ACSS1: variants seen among roughly 807,000 people sequenced by gnomAD.
The protein encoded by ACSS1 is acyl-CoA synthetase short chain family member 1, also known as acetyl-coenzyme A synthetase 2-like, mitochondrial.
ACSS1 carries 42 observed loss-of-function variants against 75.3 expected under a neutral mutation model. The observed-to-expected ratio is 0.56, with a 90% CI of 0.44 to 0.72. The LOEUF is 0.72. ACSS1 is among the 30% of genes least tolerant of loss of function. The pLI, the probability that ACSS1 is intolerant of heterozygous loss-of-function variation, is 0.00. For synonymous variants in ACSS1, 380 were observed against 376.8 expected (o/e 1.01, Z -0.10); for missense variants, 782 against 935.7 (o/e 0.84, Z 2.14).
intron 7 of ACSS1, 55 bp from the exon 8 acceptor site, chr20:25,015,285 C>G (rs1252007695): frequency 6.8e-7 from 1 of 1,461,082 alleles, no homozygotes; most frequent in Non-Finnish European, 9.4e-7. Context: ...AACCTGAAAC[C>G]AAAGGGAAGT....
chr20:25,026,812 G>T (rs1245235005), intron 3 of ACSS1, among the ~76,000 whole-genome samples: 1 of 152,158 alleles, frequency 6.6e-6, no homozygotes, highest in African/African-American at 2.4e-5. Context: ...AAGGCTGAAG[G>T]ATATCAGGGC....
chr20:25,054,390 T>C (rs1476990825), intron 1 of ACSS1, among the ~76,000 whole-genome samples: 1 of 152,246 alleles, frequency 6.6e-6, no homozygotes, highest in East Asian at 1.9e-4. Context: ...ACTGGGGATG[T>C]ATAATGTGTT....
chr20:25,046,616 G>T (rs2089094360), intron 2 of ACSS1: 1 of 588,860 alleles, frequency 1.7e-6, no homozygotes, highest in South Asian at 2.0e-5. Flanking sequence ...CCAACAGAGG[G>T]TTTTCATCTT....
Position 25,015,138 on chromosome 20 carries a change from C to T in ACSS1, c.1339G>A (p.Glu447Lys). The part of the protein sequence containing the change: ...CTLVDTWWQT[E>K]TGGICIAPRP... ...GAACCTGTTCCCCAGGCCTCCTCAC[C>T]TGTCTGCCACCAGGTGTCCACCAGC... Residue 447 changes from glutamate to lysine, a missense_variant and splice_region_variant, in exon 8 of 14, where the codon GAA becomes AAA. Physicochemically the swap from Glu to Lys is moderately conservative, Grantham distance 56. Coordinates refer to ENST00000323482, the MANE Select transcript of ACSS1 (RefSeq NM_032501.4). 2 of 1,609,536 alleles carry T rather than the reference C, an allele frequency of 1.2e-6. No individual in the cohort carries two copies. Among genetic ancestry groups the T allele is most frequent in the East Asian group, 2.2e-5 (1 of 44,726 alleles).
At chr20:25,027,734 C>G (rs1361749004) in intron 3 of ACSS1, among the ~76,000 whole-genome samples, 1 of 145,360 alleles carries the variant, frequency 6.9e-6, no homozygotes, top group Non-Finnish European at 1.5e-5. Context: ...CTTTTCACCA[C>G]TGCAATTCAA....
At chr20:25,055,058 C>T (rs2089223457) in intron 1 of ACSS1, among the ~76,000 whole-genome samples, 1 of 152,214 alleles carries the variant, frequency 6.6e-6, no homozygotes, top group Non-Finnish European at 1.5e-5. Flanking sequence ...CTGTTCAGCT[C>T]ATCAAACATT....
chr20:25,032,727 AC>A, intron 2 of ACSS1: 1 of 1,125,938 alleles, frequency 8.9e-7, no homozygotes, highest in Non-Finnish European at 1.1e-6. Context: ...GTGAAGCTCA[AC>A]GAGGCCACCC....
At chr20:25,051,915 G>T (rs565853511) in intron 1 of ACSS1, among the ~76,000 whole-genome samples, 17 of 152,208 alleles carry the variant, frequency 1.1e-4, no homozygotes, top group Non-Finnish European at 2.4e-4. Context: ...GGTGCCATTG[G>T]GTTGTTTCTG....
chr20:25,023,684 A>C, intron 3 of ACSS1, 43 bp from the exon 4 acceptor site: 2 of 1,532,510 alleles, frequency 1.3e-6, no homozygotes, highest in Non-Finnish European at 1.8e-6. Context: ...TCTCCTCCCG[A>C]CTTTAACCCT....
At chr20:25,020,289 C>T (rs2088598934) in intron 6 of ACSS1, 142 bp from the exon 7 acceptor site, 2 of 1,149,100 alleles carry the variant, frequency 1.7e-6, no homozygotes, top group African/African-American at 3.1e-5. Context: ...CAACCCCCCA[C>T]CCCCGCCAGT....
At chr20:25,049,320 T>G (rs1261902689) in intron 1 of ACSS1, among the ~76,000 whole-genome samples, 1 of 152,198 alleles carries the variant, frequency 6.6e-6, no homozygotes, top group African/African-American at 2.4e-5. Context: ...CTGTTCACTG[T>G]GGTCATGCCA....
intron 1 of ACSS1, among the ~76,000 whole-genome samples, chr20:25,055,086 T>C (rs1316909455): frequency 2.6e-5 from 4 of 152,254 alleles, no homozygotes; most frequent in Non-Finnish European, 4.4e-5. Context: ...TTTTATGGAA[T>C]GGGGTGTTTC....
At chr20:25,015,287 A>C (rs2088496805) in intron 7 of ACSS1, 57 bp from the exon 8 acceptor site, 6 of 1,457,318 alleles carry the variant, frequency 4.1e-6, no homozygotes, top group Non-Finnish European at 4.7e-6. Flanking sequence ...CCTGAAACCA[A>C]AGGGAAGTTT....
At chr20:25,012,224 A>G in intron 12 of ACSS1, 1 of 308,806 alleles carries the variant, frequency 3.2e-6, no homozygotes. Context: ...GAGTGCTATG[A>G]CCAAGCCCGT....
In ACSS1 at chr20:25,030,892, G is replaced by T; in HGVS notation, c.498C>A (p.Asp166Glu). ...TLKRHGVHRG[D>E]RVAIYMPVSP... is the part of the protein sequence containing the mutation. ...ACACGGGCATGTAGATGGCAACACGGTCCCCACGGTGGACTCCATGCCTCT... is the reference window on the plus strand; with the variant it reads ...ACACGGGCATGTAGATGGCAACACGTTCCCCACGGTGGACTCCATGCCTCT... Residue 166 changes from aspartate to glutamate, a missense_variant, in exon 3 of 14, where the codon GAC becomes GAA. Asp to Glu is a conservative substitution (Grantham distance 45, BLOSUM62 2). This residue lies in a region of ACSS1 where 377 missense variants were observed against 383.1 expected (regional missense o/e 0.98). Coordinates refer to ENST00000323482, the MANE Select transcript of ACSS1 (RefSeq NM_032501.4). 3.7e-6 allele frequency: 6 copies of T among 1,614,248 alleles called. No individual in the cohort carries two copies. In the South Asian group the frequency reaches 6.6e-5, roughly 18 times the overall value.
intron 1 of ACSS1, 69 bp downstream of exon 1, chr20:25,057,700 G>A: frequency 2.8e-6 from 4 of 1,435,498 alleles, no homozygotes; most frequent in Admixed American, 2.2e-5. Context: ...GCTGCCGCTG[G>A]CGAGAGGCTC....
chr20:25,012,427 G>A (rs573796441), intron 12 of ACSS1, 174 bp downstream of exon 12: 31 of 756,682 alleles, frequency 4.1e-5, no homozygotes, highest in South Asian at 1.6e-4. Context: ...GACCGAACAC[G>A]AGTGCTATTC....
In ACSS1 at chr20:25,008,035, G is replaced by A. The variant is rs957681145; in HGVS notation, c.1891-94C>T. On this transcript the variant is annotated intron_variant, in intron 13 of 13. Coordinates refer to ENST00000323482, the MANE Select transcript of ACSS1 (RefSeq NM_032501.4). ...TAAGATCAGAAGGGCTCTGCTCAGG[G>A]GGGATGCCCTCCCGGGGATCCACAG... is the stretch of plus-strand genomic sequence containing the variant. 23 of 1,448,636 alleles carry A rather than the reference G, an allele frequency of 1.6e-5. 1 individual carries two copies. Among genetic ancestry groups the A allele is most frequent in the South Asian group, 1.1e-4 (8 of 71,682 alleles). 89.7% of individuals were successfully genotyped at this position (1,448,636 alleles called of 1,614,324 possible). A position where few individuals can be genotyped will look rare whatever the true frequency, so the allele number is the denominator to read the frequency against.
intron 5 of ACSS1, among the ~76,000 whole-genome samples, chr20:25,021,924 C>T (rs115203812): frequency 0.016 from 2,418 of 152,200 alleles, 79 homozygotes; most frequent in African/African-American, 0.055. Context: ...TAACTGCCCA[C>T]GTGCAGGAAA....
Sources: allele counts gnomAD v4.1 joint callset (sites outside exome capture counted in the v4.1 genomes callset), GRCh38; gene constraint gnomAD v4.1.1; regional missense constraint gnomAD v4.1.1; transcripts MANE v1.5; gene names NCBI Gene and HGNC (gene_info 2026-07-23, HGNC 2026-07-21).